TECRL: variants seen among roughly 807,000 people sequenced by gnomAD.
The protein encoded by TECRL is trans-2,3-enoyl-CoA reductase-like.
TECRL carries 63 observed loss-of-function variants against 52.8 expected under a neutral mutation model. The ratio of observed to expected loss-of-function variants is 1.19; its 90% CI spans 0.97 to 1.47. The LOEUF (loss-of-function observed/expected upper bound fraction) is 1.47. Ranked by LOEUF, TECRL falls within the 40% of genes most tolerant of loss-of-function variation. TECRL has a pLI of 0.00. For missense variants in TECRL, 482 were observed against 429.6 expected, an observed-to-expected ratio of 1.12 and a Z score of -1.08; for synonymous variants, 164 against 141.9, an observed-to-expected ratio of 1.16 and a Z score of -1.10.
rs977422157 is a variant in TECRL at position 64,331,041 on chromosome 4, C to T, written c.287-2485G>A. On this transcript the variant is annotated intron_variant, in intron 2 of 11. Transcript: ENST00000381210. ...AATTCAGTAAGTTTTGGGGTTTACACAATTTCTTTGGTTTTCTTGCACATT... is the reference window on the plus strand; with the variant it reads ...AATTCAGTAAGTTTTGGGGTTTACATAATTTCTTTGGTTTTCTTGCACATT... 6.6e-5 allele frequency among the ~76,000 whole-genome samples: 10 copies of T among 152,052 alleles called. 1 individual carries two copies. Among genetic ancestry groups the T allele is most frequent in the African/African-American group, 2.2e-4 (9 of 41,426 alleles).
intron 1 of TECRL, chr4:64,397,668 T>C (rs1724048225): frequency 6.6e-6 from 1 of 151,998 alleles, no homozygotes; most frequent in Non-Finnish European, 1.5e-5. Context: ...ATGAGAAATA[T>C]TTTTTCTTTT....
intron 2 of TECRL, among the ~76,000 whole-genome samples, chr4:64,354,999 A>G (rs1044786141): frequency 9.2e-5 from 14 of 152,200 alleles, no homozygotes; most frequent in Non-Finnish European, 1.6e-4. Flanking sequence ...GTAGAGTGGA[A>G]GTGAATATTT....
At chr4:64,349,791 C>T (rs1377625143) in intron 2 of TECRL, among the ~76,000 whole-genome samples, 1 of 152,070 alleles carries the variant, frequency 6.6e-6, no homozygotes, top group African/African-American at 2.4e-5. Context: ...CCAACATTTC[C>T]AGAAGGGCAA....
intron 3 of TECRL, among the ~76,000 whole-genome samples, chr4:64,324,882 C>T (rs1718145497): frequency 1.3e-5 from 2 of 152,038 alleles, no homozygotes; most frequent in African/African-American, 4.8e-5. Flanking sequence ...TTAGATAATC[C>T]TCAGGATTTC....
At position 64,314,637 on chromosome 4, in the gene TECRL, G is replaced by C; in HGVS notation, c.551+11C>G. 9.6e-7 allele frequency: 1 copy of C among 1,037,664 alleles called. No homozygotes were observed. The highest frequency in any genetic ancestry group is 1.5e-6 in the Non-Finnish European group (1 of 676,948). 64.3% of individuals were successfully genotyped at this position (1,037,664 alleles called of 1,614,324 possible). A position where few individuals can be genotyped will look rare whatever the true frequency, so the allele number is the denominator to read the frequency against. On this transcript the variant is annotated intron_variant, in intron 5 of 11. Coordinates refer to ENST00000381210, the MANE Select transcript of TECRL (RefSeq NM_001010874.5). ...TGTGTGTGTGTGTGTGTGTGTGTGT[G>C]TATCACTTACTGTACCACTGGGTGG...
intron 7 of TECRL, among the ~76,000 whole-genome samples, chr4:64,303,452 A>G (rs183139615): frequency 6.6e-6 from 1 of 151,888 alleles, no homozygotes; most frequent in East Asian, 1.9e-4. Flanking sequence ...TACAGAATTT[A>G]TGTAACTGAC....
At chr4:64,286,800 T>C (rs1230833420) in intron 9 of TECRL, among the ~76,000 whole-genome samples, 4 of 152,154 alleles carry the variant, frequency 2.6e-5, no homozygotes, top group Non-Finnish European at 5.9e-5. Context: ...AATTTCAAAA[T>C]TACTGGATGA....
chr4:64,287,179 TA>T (rs1335535530), intron 9 of TECRL, among the ~76,000 whole-genome samples: 1 of 152,178 alleles, frequency 6.6e-6, no homozygotes, highest in Non-Finnish European at 1.5e-5. Context: ...AAAGCACAGA[TA>T]TTTTTAACTC....
At chr4:64,327,206 T>C (rs2110041789) in intron 3 of TECRL, among the ~76,000 whole-genome samples, 1 of 152,192 alleles carries the variant, frequency 6.6e-6, no homozygotes, top group African/African-American at 2.4e-5. Flanking sequence ...TGACTTTTTT[T>C]TCAAATACAT....
intron 4 of TECRL, among the ~76,000 whole-genome samples, chr4:64,317,956 A>G (rs1457045079): frequency 6.6e-6 from 1 of 152,158 alleles, no homozygotes; most frequent in Non-Finnish European, 1.5e-5. Context: ...CATCATCTCC[A>G]AAGGATGAAG....
chr4:64,315,746 T>G (rs1237327745), intron 4 of TECRL, among the ~76,000 whole-genome samples: 3 of 152,102 alleles, frequency 2.0e-5, no homozygotes, highest in African/African-American at 7.2e-5. Context: ...GTTTCATATA[T>G]ATTCATATGC....
At chr4:64,301,277 A>C (rs1403432540) in intron 7 of TECRL, among the ~76,000 whole-genome samples, 1 of 151,136 alleles carries the variant, frequency 6.6e-6, no homozygotes, top group African/African-American at 2.4e-5. Flanking sequence ...GTACATTTTT[A>C]TAATATTTGA....
chr4:64,401,261 T>C (rs560486006), intron 1 of TECRL, among the ~76,000 whole-genome samples: 8 of 152,352 alleles, frequency 5.3e-5, no homozygotes, highest in African/African-American at 1.9e-4. Context: ...GCCCCAGCTA[T>C]ACCATTTTAA....
At chr4:64,286,955 T>C (rs953793388) in intron 9 of TECRL, among the ~76,000 whole-genome samples, 2 of 152,180 alleles carry the variant, frequency 1.3e-5, no homozygotes, top group Non-Finnish European at 2.9e-5. Context: ...TAGATTATAT[T>C]GTGTTTCGCT....
chr4:64,398,162 A>T (rs565188239), intron 1 of TECRL, among the ~76,000 whole-genome samples: 1 of 152,112 alleles, frequency 6.6e-6, no homozygotes, highest in Non-Finnish European at 1.5e-5. Flanking sequence ...ATTTGTATCT[A>T]TGTCCTAATT....
chr4:64,356,476 C>T (rs781003120), intron 2 of TECRL, among the ~76,000 whole-genome samples: 4 of 152,124 alleles, frequency 2.6e-5, no homozygotes, highest in African/African-American at 4.8e-5. Context: ...CAGGACATGT[C>T]GGCAGCAATG....
intron 1 of TECRL, among the ~76,000 whole-genome samples, chr4:64,401,714 T>C (rs570117619): frequency 6.6e-6 from 1 of 152,326 alleles, no homozygotes. Flanking sequence ...CTCTCTCAAA[T>C]GTGTACGTCT....
At chr4:64,341,739 C>A (rs1409584846) in intron 2 of TECRL, among the ~76,000 whole-genome samples, 1 of 152,152 alleles carries the variant, frequency 6.6e-6, no homozygotes, top group Non-Finnish European at 1.5e-5. Flanking sequence ...CCTCTTTGGG[C>A]CCCTGTGGTT....
At chr4:64,354,295 G>A (rs1027036375) in intron 2 of TECRL, among the ~76,000 whole-genome samples, 1 of 152,156 alleles carries the variant, frequency 6.6e-6, no homozygotes, top group Admixed American at 6.5e-5. Flanking sequence ...CTAGGATATG[G>A]AGAGGGAAAT....
Sources: gnomAD v4.1 joint callset for allele counts (sites outside exome capture counted in the v4.1 genomes callset) on GRCh38, gnomAD v4.1.1 for gene constraint, MANE v1.5 for transcripts, NCBI Gene and HGNC (gene_info 2026-07-23, HGNC 2026-07-21) for gene names.